Variants in ATP6V1B2 observed in about 807,000 individuals in gnomAD.
The protein encoded by ATP6V1B2 is ATPase H+ transporting V1 subunit B2, also known as V-type proton ATPase subunit B, brain isoform.
A neutral mutation model predicts 66.7 loss-of-function variants in ATP6V1B2; 23 were observed. That is an observed-to-expected ratio of 0.34 (90% CI 0.25 to 0.49). ATP6V1B2 has a LOEUF of 0.49. Ranked by LOEUF, ATP6V1B2 falls within the 20% of genes least tolerant of loss-of-function variation. The pLI is 0.99. For missense variants in ATP6V1B2, 478 were observed against 650.8 expected (o/e 0.73, Z 2.89); for synonymous variants, 278 against 236.7 (o/e 1.17, Z -1.60).
intron 2 of ATP6V1B2, among the ~76,000 whole-genome samples, chr8:20,205,976 A>ATTC (rs1351505836): frequency 6.6e-6 from 1 of 152,226 alleles, no homozygotes; most frequent in Admixed American, 6.5e-5. Flanking sequence ...AAAAGCTTAT[A>ATTC]TTCTTCTCAA....
chr8:20,211,543 A>T, intron 6 of ATP6V1B2, 109 bp from the exon 7 acceptor site: 1 of 1,323,418 alleles, frequency 7.6e-7, no homozygotes. Flanking sequence ...ACCCTAAAAC[A>T]TCCTGGTTTC....
In ATP6V1B2 at chr8:20,213,019, T is replaced by C. The variant is rs183167737; in HGVS notation, c.927+114T>C. The C allele has an allele frequency of 3.4e-4, 470 of 1,371,940 alleles. 4 individuals are homozygous for C. The East Asian group carries it at 9.4e-3, about 27-fold the overall frequency. The allele number at this position is 1,371,940 out of a possible 1,614,324, so 85.0% of individuals were successfully genotyped here. A position where few individuals can be genotyped will look rare whatever the true frequency, so the allele number is the denominator to read the frequency against. On this transcript the variant is annotated intron_variant, in intron 9 of 13. Transcript: ENST00000276390. The stretch of plus-strand genomic sequence containing the variant: ...GTTTTTTAATTCCACTGTTCATATA[T>C]TAATAGAATGCCTTAATAAATCAGA...
rs79256811 is a variant in ATP6V1B2 at position 20,210,680 on chromosome 8, G to A, written c.463+34G>A. The A allele has an allele frequency of 5.8e-3, 9,063 of 1,573,772 alleles. 43 individuals are homozygous for A. The highest frequency in any genetic ancestry group is 0.011 in the Middle Eastern group (63 of 5,990). ...AGTAGATGGATTGCTGTGTTTGGGA[G>A]AAAATAACCTCACTCTGTCTTGTAC... On this transcript the variant is annotated intron_variant, in intron 5 of 13. Coordinates refer to ENST00000276390, the MANE Select transcript of ATP6V1B2 (RefSeq NM_001693.4).
intron 8 of ATP6V1B2, 85 bp downstream of exon 8, chr8:20,212,284 A>G: frequency 1.6e-6 from 2 of 1,266,428 alleles, no homozygotes; most frequent in South Asian, 2.5e-5. Context: ...ATGTGGTAAT[A>G]ACAGCATTTG....
chr8:20,204,874 G>A (rs2072722173), intron 2 of ATP6V1B2, among the ~76,000 whole-genome samples: 2 of 152,138 alleles, frequency 1.3e-5, no homozygotes, highest in Non-Finnish European at 2.9e-5. Context: ...TGTGCTTGGC[G>A]TGTGACCCCT....
intron 10 of ATP6V1B2, chr8:20,215,911 A>G (rs918698961): frequency 6.6e-6 from 1 of 152,558 alleles, no homozygotes; most frequent in Non-Finnish European, 1.5e-5. Flanking sequence ...ATAGCTTATG[A>G]ACTAAGAATG....
intron 2 of ATP6V1B2, among the ~76,000 whole-genome samples, chr8:20,205,432 G>A (rs769112613): frequency 6.6e-5 from 10 of 152,086 alleles, no homozygotes; most frequent in African/African-American, 2.2e-4. Context: ...TCATTGGTAC[G>A]CGCTGTGAAG....
chr8:20,197,945 C>G (rs2072645633), intron 1 of ATP6V1B2, among the ~76,000 whole-genome samples: 1 of 152,222 alleles, frequency 6.6e-6, no homozygotes, highest in Admixed American at 6.5e-5. Flanking sequence ...TCCCCTCCCC[C>G]TGGTGAGGAC....
At position 20,214,946 on chromosome 8, in the gene ATP6V1B2, T is replaced by C; in HGVS notation, c.1056T>C (p.Pro352=). ...GAAACGGCTCGATTACTCAAATCCC[T>C]ATTCTAACCATGCCTAATGATGGTA... ...EGRNGSITQI[P]ILTMPNDDIT... The change falls in exon 10 of 14, where the codon CCT becomes CCC. Residue 352 remains proline (P), a synonymous_variant. Transcript: ENST00000276390. 4.3e-6 allele frequency: 7 copies of C among 1,613,388 alleles called. No homozygotes were observed. The highest frequency in any genetic ancestry group is 5.9e-6 in the Non-Finnish European group (7 of 1,179,550).
intron 10 of ATP6V1B2, 33 bp downstream of exon 10, chr8:20,215,001 A>T (rs1274290504): frequency 6.2e-7 from 1 of 1,601,088 alleles, no homozygotes; most frequent in African/African-American, 1.3e-5. Context: ...TAACACACCT[A>T]ATCATTTTAA....
At chr8:20,210,292 A>G in intron 3 of ATP6V1B2, 54 bp from the exon 4 acceptor site, 1 of 1,455,988 alleles carries the variant, frequency 6.9e-7, no homozygotes. Context: ...TAAAATGTAA[A>G]TGCCCGTGAT....
chr8:20,214,788 A>G (rs780331441), intron 9 of ATP6V1B2, 30 bp from the exon 10 acceptor site: 10 of 1,592,108 alleles, frequency 6.3e-6, no homozygotes, highest in African/African-American at 2.7e-5. Flanking sequence ...AATATCGTGC[A>G]TGATACTCTT....
At chr8:20,219,261 C>T (rs1287028779) in intron 13 of ATP6V1B2, among the ~76,000 whole-genome samples, 1 of 152,150 alleles carries the variant, frequency 6.6e-6, no homozygotes, top group Non-Finnish European at 1.5e-5. Context: ...ACTCTTGAGT[C>T]CAAAGGCTCT....
intron 1 of ATP6V1B2, among the ~76,000 whole-genome samples, chr8:20,201,952 T>A (rs922328538): frequency 6.6e-6 from 1 of 152,096 alleles, no homozygotes; most frequent in African/African-American, 2.4e-5. Context: ...CAGGTCTCTC[T>A]TCCTTTTGTA....
At chr8:20,205,673 A>T (rs1223198559) in intron 2 of ATP6V1B2, among the ~76,000 whole-genome samples, 1 of 152,240 alleles carries the variant, frequency 6.6e-6, no homozygotes, top group Non-Finnish European at 1.5e-5. Context: ...AACATAAAAC[A>T]TATAGGATCA....
intron 2 of ATP6V1B2, among the ~76,000 whole-genome samples, chr8:20,206,150 A>G (rs1013654966): frequency 6.6e-6 from 1 of 152,244 alleles, no homozygotes; most frequent in Non-Finnish European, 1.5e-5. Flanking sequence ...AATCAGTGAA[A>G]GGAAAATAAC....
rs1178530691 is a variant in ATP6V1B2, at chr8:20,210,629, A to G, written c.446A>G (p.Asp149Gly). 1.9e-6 allele frequency: 3 copies of G among 1,613,716 alleles called. No individual in the cohort carries two copies. Among genetic ancestry groups the G allele is most frequent in the Non-Finnish European group, 2.5e-6 (3 of 1,179,692 alleles). The change falls in exon 5 of 14, where the codon GAC (aspartate) becomes GGC (glycine). Residue 149 changes from aspartate to glycine, a missense_variant. Coordinates refer to ENST00000276390, the MANE Select transcript of ATP6V1B2 (RefSeq NM_001693.4). Reference sequence around the variant, plus strand: ...AGAGGTCCTGTTGTACTGGCCGAAGACTTCCTTGATATCATGGGTAGGTAC... The same window carrying G: ...AGAGGTCCTGTTGTACTGGCCGAAGGCTTCCTTGATATCATGGGTAGGTAC... The part of the protein sequence containing the change: ...IDRGPVVLAE[D>G]FLDIMGQPIN...
chr8:20,215,172 T>A, intron 10 of ATP6V1B2: 1 of 567,776 alleles, frequency 1.8e-6, no homozygotes, highest in Non-Finnish European at 2.8e-6. Context: ...CTTCATAATT[T>A]AAGTTTTTAA....
intron 1 of ATP6V1B2, among the ~76,000 whole-genome samples, chr8:20,201,930 G>A (rs991814141): frequency 1.3e-5 from 2 of 152,132 alleles, no homozygotes; most frequent in African/African-American, 4.8e-5. Flanking sequence ...TGAGAATGCA[G>A]GGGCACTAGC....
Sources: allele counts gnomAD v4.1 joint callset (sites outside exome capture counted in the v4.1 genomes callset), GRCh38; gene constraint gnomAD v4.1.1; transcripts MANE v1.5; gene names NCBI Gene and HGNC (gene_info 2026-07-23, HGNC 2026-07-21).